Variants in SLC7A9 observed in about 807,000 individuals in gnomAD.
SLC7A9 encodes the protein B(0,+)-type amino acid transporter 1.
SLC7A9 carries 38 observed loss-of-function variants against 54.1 expected under a neutral mutation model. The observed-to-expected ratio is 0.70, with a 90% CI of 0.54 to 0.92. The LOEUF (loss-of-function observed/expected upper bound fraction) is 0.92, where lower values mean the gene tolerates loss of function less well. Ranked by LOEUF, SLC7A9 falls within the 40% of genes least tolerant of loss-of-function variation. SLC7A9 has a pLI of 0.00. For synonymous variants in SLC7A9, 264 were observed against 258.9 expected, an observed-to-expected ratio of 1.02 and a Z score of -0.19; for missense variants, 537 against 636.1, an observed-to-expected ratio of 0.84 and a Z score of 1.68.
At chr19:32,832,779 TG>T in intron 12 of SLC7A9, 1 of 292,622 alleles carries the variant, frequency 3.4e-6, no homozygotes, top group Non-Finnish European at 6.7e-6. Context: ...AGGTGTAGTG[TG>T]TGCCTGTGGT....
intron 2 of SLC7A9, among the ~76,000 whole-genome samples, chr19:32,865,741 C>T (rs1337561671): frequency 6.6e-6 from 1 of 152,142 alleles, no homozygotes; most frequent in Admixed American, 6.6e-5. Context: ...GAGGCCGAGG[C>T]AGGCGGATCA....
chr19:32,860,070 AGGCCCAGCAG>A, intron 7 of SLC7A9, 106 bp from the exon 8 acceptor site: 1 of 1,597,638 alleles, frequency 6.3e-7, no homozygotes, highest in Non-Finnish European at 8.5e-7. Flanking sequence ...CAGGTAGCAG[AGGCCCAGCAG>A]GAACATAAGA....
intron 7 of SLC7A9, 25 bp downstream of exon 7, chr19:32,860,581 T>C: frequency 1.9e-6 from 3 of 1,614,070 alleles, no homozygotes; most frequent in East Asian, 2.2e-5. Context: ...CCGGCTACTG[T>C]CCTCTGCACT....
chr19:32,845,858 A>G (rs1222349128), intron 9 of SLC7A9, among the ~76,000 whole-genome samples: 3 of 151,892 alleles, frequency 2.0e-5, no homozygotes, highest in Non-Finnish European at 2.9e-5. Context: ...AAACACAAAA[A>G]TTAGGTGTGA....
At chr19:32,845,230 G>C (rs1453300589) in intron 9 of SLC7A9, among the ~76,000 whole-genome samples, 1 of 152,116 alleles carries the variant, frequency 6.6e-6, no homozygotes, top group Non-Finnish European at 1.5e-5. Flanking sequence ...CATGGTGGCT[G>C]TCGCCTATAC....
intron 9 of SLC7A9, among the ~76,000 whole-genome samples, chr19:32,857,936 G>T (rs567697177): frequency 6.6e-6 from 1 of 152,300 alleles, no homozygotes; most frequent in East Asian, 1.9e-4. Flanking sequence ...CAGCCTGCGA[G>T]CCTGGAATAT....
chr19:32,847,719 C>T (rs1220796455), intron 9 of SLC7A9, among the ~76,000 whole-genome samples: 2 of 152,032 alleles, frequency 1.3e-5, no homozygotes, highest in Non-Finnish European at 2.9e-5. Context: ...AGGGCAACTC[C>T]AAGACACATA....
At chr19:32,841,963 C>T (rs1015916814) in intron 11 of SLC7A9, among the ~76,000 whole-genome samples, 6 of 152,080 alleles carry the variant, frequency 3.9e-5, no homozygotes, top group South Asian at 2.1e-4. Context: ...CACAGGTATT[C>T]GTGATGACTT....
At chr19:32,857,506 CA>C (rs1968663199) in intron 9 of SLC7A9, among the ~76,000 whole-genome samples, 2 of 152,066 alleles carry the variant, frequency 1.3e-5, no homozygotes, top group South Asian at 4.2e-4. Flanking sequence ...AGGATCTAGC[CA>C]AAACGCTTTT....
Position 32,860,145 on chromosome 19 carries a change from C to G in SLC7A9, c.750-181G>C, listed in dbSNP as rs1446099170. On this transcript the variant is annotated intron_variant, in intron 7 of 12. Transcript: ENST00000023064. Reference sequence around the variant, plus strand: ...AGACTCCAGAGCAGTTCACATGGAACTGTTTATAAAGCAAAATAAGCCAGA... The same window carrying G: ...AGACTCCAGAGCAGTTCACATGGAAGTGTTTATAAAGCAAAATAAGCCAGA... 2.6e-6 allele frequency: 4 copies of G among 1,531,750 alleles called. No individual in the cohort carries two copies. The East Asian group carries it at 9.9e-5, about 38-fold the overall frequency. The allele number at this position is 1,531,750 out of a possible 1,614,324, so 94.9% of individuals were successfully genotyped here.
rs182075871 is a variant in SLC7A9, at chr19:32,839,351, G to A, written c.1224+2817C>T. Among the ~76,000 whole-genome samples, 25 of 152,070 alleles carry A rather than the reference G, an allele frequency of 1.6e-4. No individual in the cohort carries two copies. The East Asian group carries it at 3.7e-3, about 22-fold the overall frequency. The stretch of plus-strand genomic sequence containing the variant: ...GGGTGGATCACAAAGTCAGGAGTTC[G>A]AGACCAGCCTGACCAACATGGTGAA... On this transcript the variant is annotated intron_variant, in intron 11 of 12. Transcript: ENST00000023064.
intron 9 of SLC7A9, 88 bp from the exon 10 acceptor site, chr19:32,844,039 A>G (rs1284957333): frequency 2.0e-6 from 2 of 1,008,234 alleles, no homozygotes; most frequent in African/African-American, 3.2e-5. Context: ...GGGTCCACCA[A>G]GGAGCCCTCG....
chr19:32,855,627 GGGAGGT>G (rs921811248), intron 9 of SLC7A9, among the ~76,000 whole-genome samples: 2 of 152,028 alleles, frequency 1.3e-5, no homozygotes, highest in Non-Finnish European at 2.9e-5. Flanking sequence ...GCGTGAACCT[GGGAGGT>G]GGAGCTTGCA....
chr19:32,863,904 G>A (rs1389474261), intron 4 of SLC7A9, among the ~76,000 whole-genome samples, 192 bp downstream of exon 4: 1 of 152,132 alleles, frequency 6.6e-6, no homozygotes, highest in Admixed American at 6.5e-5. Context: ...GACAGCCAGC[G>A]GCACCCCTCC....
At chr19:32,859,442 T>C (rs1968727356) in intron 8 of SLC7A9, among the ~76,000 whole-genome samples, 1 of 152,054 alleles carries the variant, frequency 6.6e-6, no homozygotes, top group African/African-American at 2.4e-5. Context: ...CAACACGTGG[T>C]TGTCTGTTTG....
At chr19:32,832,887 C>A in intron 12 of SLC7A9, 1 of 441,612 alleles carries the variant, frequency 2.3e-6, no homozygotes, top group Non-Finnish European at 4.2e-6. Context: ...TTAGCCTGGG[C>A]AACAGAGCAA....
intron 12 of SLC7A9, among the ~76,000 whole-genome samples, chr19:32,832,396 G>A (rs745900552): frequency 6.6e-6 from 1 of 151,926 alleles, no homozygotes; most frequent in Non-Finnish European, 1.5e-5. Flanking sequence ...AGACCAGCCT[G>A]GCCAACATGG....
At chr19:32,838,201 T>G (rs912319991) in intron 11 of SLC7A9, among the ~76,000 whole-genome samples, 1 of 152,164 alleles carries the variant, frequency 6.6e-6, no homozygotes, top group Non-Finnish European at 1.5e-5. Context: ...AAACAAGGCT[T>G]TATAGGTAGG....
Position 32,842,163 on chromosome 19 carries a change from C to A in SLC7A9, c.1224+5G>T. The A allele has an allele frequency of 6.2e-7, 1 of 1,614,194 alleles. No individual in the cohort carries two copies. Reference sequence around the variant, plus strand: ...CCACTCGTGACTCTGGGGCTGCAAGCTTACCTTGATAGGCCTTTCCAGCTC... The same window carrying A: ...CCACTCGTGACTCTGGGGCTGCAAGATTACCTTGATAGGCCTTTCCAGCTC... On this transcript the variant is annotated splice_donor_5th_base_variant and intron_variant, in intron 11 of 12. Transcript: ENST00000023064.
Sources: allele counts gnomAD v4.1 joint callset (sites outside exome capture counted in the v4.1 genomes callset), GRCh38; gene constraint gnomAD v4.1.1; transcripts MANE v1.5; gene names NCBI Gene and HGNC (gene_info 2026-07-23, HGNC 2026-07-21).